Variants in MLIP observed in about 807,000 individuals in gnomAD.
The protein encoded by MLIP is muscular LMNA-interacting protein.
In MLIP, 79 loss-of-function variants were observed where a neutral mutation model predicts 84.8. That is an observed-to-expected ratio of 0.93 (90% CI 0.78 to 1.12). MLIP has a LOEUF of 1.12. Among genes scored for constraint, MLIP ranks in the 50% most tolerant of loss-of-function variants. MLIP has a pLI of 0.00. For synonymous variants in MLIP, 504 were observed against 463.0 expected (o/e 1.09, Z -1.14); for missense variants, 1,257 against 1,160.6 (o/e 1.08, Z -1.21).
At chr6:54,233,957 G>A (rs756692405) in intron 12 of MLIP, among the ~76,000 whole-genome samples, 1 of 152,150 alleles carries the variant, frequency 6.6e-6, no homozygotes, top group Non-Finnish European at 1.5e-5. Context: ...GTGATGATGA[G>A]CTTTTCTTCA....
chr6:54,134,599 T>C (rs1771651438), intron 3 of MLIP, among the ~76,000 whole-genome samples: 1 of 151,950 alleles, frequency 6.6e-6, no homozygotes, highest in Non-Finnish European at 1.5e-5. Context: ...TTATATTAGG[T>C]AAAATATTAA....
intron 9 of MLIP, among the ~76,000 whole-genome samples, chr6:54,170,095 GCT>G (rs1775623458): frequency 6.6e-6 from 1 of 151,534 alleles, no homozygotes; most frequent in Non-Finnish European, 1.5e-5. Context: ...TGAGTAGCTG[GCT>G]CTGAGTGTGT....
chr6:54,098,604 A>C (rs1250440953), intron 1 of MLIP, among the ~76,000 whole-genome samples: 5 of 152,118 alleles, frequency 3.3e-5, no homozygotes, highest in African/African-American at 4.8e-5. Flanking sequence ...GTTCAGGGGA[A>C]AAAAAGTCAA....
At chr6:54,156,587 G>A (rs1038481886) in intron 5 of MLIP, among the ~76,000 whole-genome samples, 6 of 152,056 alleles carry the variant, frequency 3.9e-5, no homozygotes, top group African/African-American at 7.2e-5. Context: ...CTGTAATATA[G>A]AGAAAGATAT....
At chr6:54,172,647 A>G (rs1328029467) in intron 9 of MLIP, among the ~76,000 whole-genome samples, 2 of 151,598 alleles carry the variant, frequency 1.3e-5, no homozygotes, top group Non-Finnish European at 3.0e-5. Context: ...TAATAAAATA[A>G]CAAGAAAGTG....
intron 1 of MLIP, among the ~76,000 whole-genome samples, chr6:54,055,892 T>TA (rs1459117889): frequency 2.6e-5 from 4 of 152,268 alleles, no homozygotes; most frequent in African/African-American, 9.6e-5. Context: ...TGCTTACCCT[T>TA]ATGTGGCAAT....
intron 1 of MLIP, among the ~76,000 whole-genome samples, chr6:54,020,094 G>A (rs1229001599): frequency 6.6e-6 from 1 of 152,164 alleles, no homozygotes. Context: ...ATTTGGAAAG[G>A]CCATGTGTCC....
chr6:54,149,219 A>G (rs1448696392), intron 5 of MLIP, 92 bp downstream of exon 5: 2 of 1,151,356 alleles, frequency 1.7e-6, no homozygotes, highest in African/African-American at 1.6e-5. Context: ...TTTCTGTTTT[A>G]AAGTTCTGCC....
intron 13 of MLIP, among the ~76,000 whole-genome samples, chr6:54,263,051 A>G (rs557859427): frequency 7.2e-5 from 11 of 152,144 alleles, no homozygotes; most frequent in South Asian, 6.2e-4. Context: ...TCAACAGATT[A>G]AAGTTGGGTT....
chr6:54,188,785 C>T (rs1003722241), intron 9 of MLIP, among the ~76,000 whole-genome samples: 1 of 148,428 alleles, frequency 6.7e-6, no homozygotes, highest in African/African-American at 2.5e-5. Context: ...TACCAAGACC[C>T]CCAAAACACA....
Position 54,024,432 on chromosome 6 carries a change from T to C in MLIP, c.63+5341T>C, listed in dbSNP as rs527607167. On this transcript the variant is annotated intron_variant, in intron 1 of 12. Transcript: ENST00000274897. ...GCTTGGTTCTAATTCCTCATATCATTATCTGATGACAGGTCTGGGTGTTGT... is the reference window on the plus strand; with the variant it reads ...GCTTGGTTCTAATTCCTCATATCATCATCTGATGACAGGTCTGGGTGTTGT... Among the ~76,000 whole-genome samples, 3 of 152,350 alleles carry C rather than the reference T, an allele frequency of 2.0e-5. No individual in the cohort carries two copies. The South Asian group carries it at 6.2e-4, about 32-fold the overall frequency.
At chr6:54,215,227 G>A in intron 11 of MLIP, 1 of 1,529,958 alleles carries the variant, frequency 6.5e-7, no homozygotes, top group African/African-American at 1.4e-5. Flanking sequence ...TATCCTTGTG[G>A]CTAGTTACTG....
chr6:54,021,699 A>G (rs964654449), intron 1 of MLIP, among the ~76,000 whole-genome samples: 1 of 152,224 alleles, frequency 6.6e-6, no homozygotes, highest in African/African-American at 2.4e-5. Flanking sequence ...AAAGATTGCT[A>G]GGTACTTAAC....
Position 54,178,050 on chromosome 6 carries a change from G to A in MLIP, c.2544+8478G>A, listed in dbSNP as rs533600417. On this transcript the variant is annotated intron_variant, in intron 9 of 13. Transcript: ENST00000502396. ...GGAACAACACACATTGGGGCCTCTC[G>A]GGAGGGTAGGGAGAGGGAGAGCGTC... 9.9e-5 allele frequency among the ~76,000 whole-genome samples: 15 copies of A among 152,150 alleles called. No homozygotes were observed. The South Asian group carries it at 2.9e-3, about 29-fold the overall frequency.
intron 11 of MLIP, among the ~76,000 whole-genome samples, chr6:54,204,745 A>G (rs755911269): frequency 6.6e-6 from 1 of 152,224 alleles, no homozygotes; most frequent in South Asian, 2.1e-4. Context: ...CTATAAAGTA[A>G]GTTTAAAGCT....
At chr6:54,150,904 A>T (rs1432078605) in intron 5 of MLIP, among the ~76,000 whole-genome samples, 1 of 152,146 alleles carries the variant, frequency 6.6e-6, no homozygotes, top group Non-Finnish European at 1.5e-5. Flanking sequence ...GGTGATATTG[A>T]TGTGTATTTA....
At chr6:54,028,099 A>G (rs1418788671) in intron 1 of MLIP, among the ~76,000 whole-genome samples, 3 of 152,220 alleles carry the variant, frequency 2.0e-5, no homozygotes, top group Non-Finnish European at 4.4e-5. Flanking sequence ...ATTTTGCTAC[A>G]TGACCTTCAT....
At chr6:54,224,292 T>C (rs1780424942) in intron 11 of MLIP, among the ~76,000 whole-genome samples, 1 of 151,676 alleles carries the variant, frequency 6.6e-6, no homozygotes. Flanking sequence ...GGACACAAAA[T>C]ACGACACTGC....
chr6:54,130,812 G>A (rs1204549041), intron 3 of MLIP, among the ~76,000 whole-genome samples: 1 of 152,058 alleles, frequency 6.6e-6, no homozygotes, highest in South Asian at 2.1e-4. Flanking sequence ...AAAGGTAATA[G>A]GGAAGGAAGT....
Sources: gnomAD v4.1 joint callset for allele counts (sites outside exome capture counted in the v4.1 genomes callset) on GRCh38, gnomAD v4.1.1 for gene constraint, MANE v1.5 for transcripts, NCBI Gene and HGNC (gene_info 2026-07-23, HGNC 2026-07-21) for gene names.